EYS: variants seen among roughly 807,000 people sequenced by gnomAD.
The protein encoded by EYS is EGF-like photoreceptor maintenance factor.
Under a neutral mutation model 282.1 loss-of-function variants are expected in EYS, and 250 were observed. That is an observed-to-expected ratio of 0.89 (90% CI 0.80 to 0.98). The LOEUF (loss-of-function observed/expected upper bound fraction) is 0.98, where lower values mean the gene tolerates loss of function less well. EYS is among the 50% of genes least tolerant of loss of function. The probability of loss-of-function intolerance (pLI) is 0.00; values close to 1 mark genes in which losing one functional copy is unlikely to be tolerated. For synonymous variants in EYS, 1,355 were observed against 1,282.9 expected (o/e 1.06, Z -1.20); for missense variants, 4,016 against 3,709.0 (o/e 1.08, Z -2.15).
chr6:65,199,322 G>A lies in EYS; in HGVS notation c.2023+96541C>T, dbSNP rs190024549. ...TTTAGCCAAAACTTCAAAACAGGAG[G>A]TGAGTCAAATTGGCCATTCTCCAAT... On this transcript the variant is annotated intron_variant, in intron 12 of 42. Transcript: ENST00000503581. Among the ~76,000 whole-genome samples the A allele has an allele frequency of 5.7e-3, 868 of 152,196 alleles. 15 individuals are homozygous for A. The highest frequency in any genetic ancestry group is 0.034 in the Middle Eastern group (10 of 294).
At chr6:65,369,023 T>C (rs1415750773) in intron 8 of EYS, among the ~76,000 whole-genome samples, 2 of 151,086 alleles carry the variant, frequency 1.3e-5, no homozygotes, top group Non-Finnish European at 2.9e-5. Flanking sequence ...CCTACCTCTT[T>C]CTCCCCGTTT....
chr6:64,943,113 A>G (rs758612729), intron 15 of EYS, among the ~76,000 whole-genome samples: 1 of 152,120 alleles, frequency 6.6e-6, no homozygotes, highest in Admixed American at 6.6e-5. Context: ...CAAAAAACAC[A>G]TGATGATCCC....
chr6:64,406,243 A>G (rs1051924448), intron 28 of EYS, among the ~76,000 whole-genome samples: 8 of 152,236 alleles, frequency 5.3e-5, no homozygotes, highest in Non-Finnish European at 1.2e-4. Flanking sequence ...TGGTATTGGG[A>G]AAATAGGCTA....
intron 14 of EYS, among the ~76,000 whole-genome samples, chr6:64,956,610 C>CA: frequency 7.5e-6 from 1 of 132,736 alleles, no homozygotes; most frequent in African/African-American, 3.2e-5. Context: ...AAAGCTCCTG[C>CA]ACAGCAAGGG....
At chr6:64,040,831 G>C (rs988697431) in intron 33 of EYS, among the ~76,000 whole-genome samples, 1 of 152,114 alleles carries the variant, frequency 6.6e-6, no homozygotes, top group Admixed American at 6.6e-5. Flanking sequence ...TTATCCTCGA[G>C]CTCCTAAAAA....
chr6:65,023,745 G>A (rs1396997920), intron 13 of EYS, among the ~76,000 whole-genome samples: 1 of 152,238 alleles, frequency 6.6e-6, no homozygotes, highest in Non-Finnish European at 1.5e-5. Context: ...AATCGCAAGA[G>A]CAGTCTTACA....
At chr6:65,151,082 A>G (rs1186163973) in intron 12 of EYS, among the ~76,000 whole-genome samples, 1 of 151,984 alleles carries the variant, frequency 6.6e-6, no homozygotes, top group Non-Finnish European at 1.5e-5. Flanking sequence ...AATATTATGT[A>G]TTTTTTAGTA....
intron 22 of EYS, among the ~76,000 whole-genome samples, chr6:64,748,916 G>A (rs142846399): frequency 1.1e-3 from 168 of 152,284 alleles, no homozygotes; most frequent in South Asian, 5.6e-3. Context: ...GGGATTACAG[G>A]GTTGTACCAC....
chr6:64,055,020 G>T (rs576479512), intron 33 of EYS, among the ~76,000 whole-genome samples: 1 of 152,232 alleles, frequency 6.6e-6, no homozygotes, highest in Admixed American at 6.5e-5. Flanking sequence ...CTTTCCTAAT[G>T]TCATGGAAAC....
intron 14 of EYS, among the ~76,000 whole-genome samples, chr6:64,971,755 A>T (rs1264617480): frequency 6.6e-6 from 1 of 152,142 alleles, no homozygotes; most frequent in Non-Finnish European, 1.5e-5. Context: ...AAGGTTAATT[A>T]CACACAGTAC....
At chr6:64,882,988 T>C (rs1344404826) in intron 19 of EYS, among the ~76,000 whole-genome samples, 2 of 151,564 alleles carry the variant, frequency 1.3e-5, no homozygotes, top group Non-Finnish European at 3.0e-5. Flanking sequence ...TATAGAAAGT[T>C]GCATCTGAGT....
chr6:65,444,369 T>C (rs1203257174), intron 5 of EYS, among the ~76,000 whole-genome samples: 1 of 151,972 alleles, frequency 6.6e-6, no homozygotes, highest in Non-Finnish European at 1.5e-5. Context: ...TAGTTTAAAG[T>C]TGATGTAATT....
chr6:64,680,276 G>A (rs1311371910), intron 22 of EYS, among the ~76,000 whole-genome samples: 1 of 152,210 alleles, frequency 6.6e-6, no homozygotes, highest in African/African-American at 2.4e-5. Flanking sequence ...GAGCTTCCCT[G>A]CTGATGCCAT....
chr6:65,247,427 A>G (rs2150280404), intron 12 of EYS, among the ~76,000 whole-genome samples: 1 of 152,192 alleles, frequency 6.6e-6, no homozygotes, highest in South Asian at 2.1e-4. Flanking sequence ...TTTCTCAGTA[A>G]CATCTTTTTA....
intron 19 of EYS, among the ~76,000 whole-genome samples, chr6:64,872,376 A>C (rs1430753171): frequency 6.6e-6 from 1 of 152,048 alleles, no homozygotes; most frequent in East Asian, 1.9e-4. Flanking sequence ...CACATTTAGC[A>C]AGCTGCCTAA....
intron 12 of EYS, among the ~76,000 whole-genome samples, chr6:65,167,244 T>C (rs1764994570): frequency 6.6e-6 from 1 of 151,248 alleles, no homozygotes; most frequent in Admixed American, 6.6e-5. Context: ...ATAGCCCAAA[T>C]GTATCAACTG....
At chr6:65,536,385 G>A (rs1363677156) in intron 2 of EYS, among the ~76,000 whole-genome samples, 1 of 151,464 alleles carries the variant, frequency 6.6e-6, no homozygotes, top group East Asian at 1.9e-4. Flanking sequence ...TAGAGGAAAT[G>A]TTTACAAAAT....
At chr6:65,039,043 T>C (rs1166433716) in intron 13 of EYS, among the ~76,000 whole-genome samples, 2 of 151,502 alleles carry the variant, frequency 1.3e-5, no homozygotes, top group Admixed American at 1.3e-4. Flanking sequence ...AAATTATCAT[T>C]TTTTCTTTAA....
intron 2 of EYS, among the ~76,000 whole-genome samples, chr6:65,628,237 T>C (rs1766787604): frequency 6.6e-6 from 1 of 152,150 alleles, no homozygotes; most frequent in Non-Finnish European, 1.5e-5. Flanking sequence ...CGACACTCCG[T>C]ATCTAGCTGC....
Sources: allele counts gnomAD v4.1 joint callset (sites outside exome capture counted in the v4.1 genomes callset), GRCh38; gene constraint gnomAD v4.1.1; transcripts MANE v1.5; gene names NCBI Gene and HGNC (gene_info 2026-07-23, HGNC 2026-07-21).